Variants in FGGY observed in about 807,000 individuals in gnomAD.
FGGY encodes FGGY carbohydrate kinase domain containing, also known as FGGY carbohydrate kinase domain-containing protein.
FGGY carries 72 observed loss-of-function variants against 71.3 expected under a neutral mutation model. The observed-to-expected ratio is 1.01, with a 90% CI of 0.84 to 1.23. The LOEUF (loss-of-function observed/expected upper bound fraction) is 1.23, where lower values mean the gene tolerates loss of function less well. FGGY is among the 50% of genes most tolerant of loss of function. FGGY has a pLI of 0.00. For missense variants in FGGY, 668 were observed against 682.3 expected, an observed-to-expected ratio of 0.98 and a Z score of 0.23; for synonymous variants, 251 against 250.3, an observed-to-expected ratio of 1.00 and a Z score of -0.02.
chr1:59,457,132 TTTG>T (rs1188910581), intron 6 of FGGY, 56 bp downstream of exon 6: 34 of 1,234,582 alleles, frequency 2.8e-5, no homozygotes, highest in Non-Finnish European at 4.0e-5. Flanking sequence ...TCTTGATGGG[TTTG>T]TTGTTATTGT....
At chr1:59,583,310 C>T (rs532170038) in intron 8 of FGGY, among the ~76,000 whole-genome samples, 2 of 143,578 alleles carry the variant, frequency 1.4e-5, no homozygotes, top group African/African-American at 5.4e-5. Context: ...GTGATTCTGA[C>T]TTCTCTGAAA....
chr1:59,390,050 G>T (rs922300254), intron 5 of FGGY, among the ~76,000 whole-genome samples: 3 of 152,162 alleles, frequency 2.0e-5, no homozygotes, highest in African/African-American at 7.2e-5. Flanking sequence ...TCTCAGAACA[G>T]TGGTATTTAA....
intron 8 of FGGY, among the ~76,000 whole-genome samples, chr1:59,593,683 TTA>T (rs1477067855): frequency 6.6e-6 from 1 of 152,230 alleles, no homozygotes; most frequent in Non-Finnish European, 1.5e-5. Flanking sequence ...CTAAGAACTT[TTA>T]TCTTTATTGA....
At chr1:59,466,182 G>A (rs188674672) in intron 6 of FGGY, among the ~76,000 whole-genome samples, 1,708 of 152,196 alleles carry the variant, frequency 0.011, 18 homozygotes, top group Non-Finnish European at 0.018. Flanking sequence ...ACAGAACAGA[G>A]CCCTCAGAAA....
chr1:59,483,449 A>T (rs2093563494), intron 6 of FGGY, among the ~76,000 whole-genome samples: 1 of 152,164 alleles, frequency 6.6e-6, no homozygotes, highest in South Asian at 2.1e-4. Flanking sequence ...ACTAAAAGGG[A>T]AGTGCTGAGA....
At chr1:59,506,574 G>A (rs943296811) in intron 6 of FGGY, among the ~76,000 whole-genome samples, 5 of 152,190 alleles carry the variant, frequency 3.3e-5, no homozygotes, top group African/African-American at 1.2e-4. Flanking sequence ...CAAGGTGGGT[G>A]GATCACTTGA....
chr1:59,740,353 C>G (rs532030413), intron 14 of FGGY, among the ~76,000 whole-genome samples: 1 of 152,318 alleles, frequency 6.6e-6, no homozygotes, highest in South Asian at 2.1e-4. Context: ...CCTGTTTATT[C>G]TTAGCCACCA....
chr1:59,410,847 A>G (rs1398232538), intron 5 of FGGY, among the ~76,000 whole-genome samples: 1 of 152,190 alleles, frequency 6.6e-6, no homozygotes, highest in Non-Finnish European at 1.5e-5. Flanking sequence ...ATGTATATAT[A>G]AGGTTAAAAG....
At chr1:59,576,673 GACAGACACACAC>G (rs1209680581) in intron 8 of FGGY, among the ~76,000 whole-genome samples, 11 of 132,292 alleles carry the variant, frequency 8.3e-5, no homozygotes, top group African/African-American at 1.7e-4. Context: ...CAGACAGACA[GACAGACACACAC>G]ACACACACAC....
At chr1:59,489,896 A>C (rs954326196) in intron 6 of FGGY, among the ~76,000 whole-genome samples, 1 of 152,118 alleles carries the variant, frequency 6.6e-6, no homozygotes, top group Non-Finnish European at 1.5e-5. Flanking sequence ...TCTTATTTTG[A>C]TAATCACTAT....
At chr1:59,425,955 T>G (rs2066291525) in intron 5 of FGGY, among the ~76,000 whole-genome samples, 1 of 152,216 alleles carries the variant, frequency 6.6e-6, no homozygotes, top group Non-Finnish European at 1.5e-5. Flanking sequence ...ATTCATATTT[T>G]TTTTTAATTT....
chr1:59,636,568 A>G (rs932804389), intron 10 of FGGY, among the ~76,000 whole-genome samples: 1 of 152,180 alleles, frequency 6.6e-6, no homozygotes, highest in Non-Finnish European at 1.5e-5. Flanking sequence ...GCTTGCAGTG[A>G]GCCGAGATCG....
intron 2 of FGGY, among the ~76,000 whole-genome samples, chr1:59,328,351 A>C (rs946120800): frequency 6.6e-6 from 1 of 152,178 alleles, no homozygotes; most frequent in Non-Finnish European, 1.5e-5. Flanking sequence ...TTGTTTACTT[A>C]AACCTCCTGA....
chr1:59,309,531 C>T (rs2043935181), intron 1 of FGGY, among the ~76,000 whole-genome samples: 1 of 152,102 alleles, frequency 6.6e-6, no homozygotes, highest in South Asian at 2.1e-4. Flanking sequence ...AGATATTGGG[C>T]TTTATTTTGG....
intron 5 of FGGY, among the ~76,000 whole-genome samples, chr1:59,403,562 T>A (rs2153410945): frequency 6.6e-6 from 1 of 152,168 alleles, no homozygotes; most frequent in East Asian, 1.9e-4. Flanking sequence ...AACTCGGACT[T>A]GAAGGATGAT....
intron 10 of FGGY, among the ~76,000 whole-genome samples, chr1:59,629,152 A>G (rs1369719916): frequency 1.3e-5 from 2 of 152,188 alleles, no homozygotes; most frequent in African/African-American, 4.8e-5. Context: ...CCAACATGGC[A>G]CATGTATACA....
intron 14 of FGGY, among the ~76,000 whole-genome samples, chr1:59,740,300 A>G (rs2101245398): frequency 6.6e-6 from 1 of 152,308 alleles, no homozygotes; most frequent in African/African-American, 2.4e-5. Context: ...AACTTTGCCA[A>G]TTTCCATCCC....
chr1:59,513,266 G>A (rs973467712), intron 7 of FGGY, among the ~76,000 whole-genome samples: 1 of 152,202 alleles, frequency 6.6e-6, no homozygotes, highest in East Asian at 1.9e-4. Flanking sequence ...ACAACAGAAT[G>A]GAACAGAATT....
At chr1:59,576,227 G>T (rs12124240) in intron 8 of FGGY, among the ~76,000 whole-genome samples, 13,701 of 152,170 alleles carry the variant, frequency 0.09, 816 homozygotes, top group Non-Finnish European at 0.13. Flanking sequence ...CCATAAAAAA[G>T]AATGAGTTCA....
Sources: allele counts gnomAD v4.1 joint callset (sites outside exome capture counted in the v4.1 genomes callset), GRCh38; gene constraint gnomAD v4.1.1; transcripts MANE v1.5; gene names NCBI Gene and HGNC (gene_info 2026-07-23, HGNC 2026-07-21).